COPZ1: variants seen among roughly 807,000 people sequenced by gnomAD.
COPZ1 encodes coat protein complex I subunit zeta 1.
Under a neutral mutation model 31.7 loss-of-function variants are expected in COPZ1, and 4 were observed. That is an observed-to-expected ratio of 0.13 (90% confidence interval 0.06 to 0.29). The LOEUF is 0.29. Among genes scored for constraint, COPZ1 ranks in the 10% least tolerant of loss-of-function variants. COPZ1 has a pLI of 1.00. For synonymous variants in COPZ1, 74 were observed against 79.0 expected, an observed-to-expected ratio of 0.94 and a Z score of 0.33; for missense variants, 156 against 211.5, an observed-to-expected ratio of 0.74 and a Z score of 1.63.
intron 1 of COPZ1, chr12:54,337,305 A>G (rs1244830554): frequency 1.9e-6 from 1 of 534,270 alleles, no homozygotes; most frequent in Non-Finnish European, 3.8e-6. Context: ...TTTGTCTCGA[A>G]AGCTTTCTAG....
chr12:54,341,771 T>G (rs564214355), intron 2 of COPZ1, among the ~76,000 whole-genome samples: 1 of 152,334 alleles, frequency 6.6e-6, no homozygotes, highest in East Asian at 1.9e-4. Context: ...TTTGTAGCCT[T>G]TCCCCATTCC....
At chr12:54,334,807 A>G (rs1164643360) in intron 1 of COPZ1, among the ~76,000 whole-genome samples, 1 of 152,128 alleles carries the variant, frequency 6.6e-6, no homozygotes, top group Non-Finnish European at 1.5e-5. Flanking sequence ...CAGCGAGCCG[A>G]GATCAGACCA....
At chr12:54,327,827 G>A (rs973079368) in intron 1 of COPZ1, among the ~76,000 whole-genome samples, 1 of 152,172 alleles carries the variant, frequency 6.6e-6, no homozygotes, top group African/African-American at 2.4e-5. Flanking sequence ...AGATTCTAGG[G>A]AATTGGTTTT....
chr12:54,351,273 G>C lies in COPZ1; in HGVS notation c.*750G>C, dbSNP rs543789805. On this transcript the variant is annotated 3_prime_UTR_variant, in exon 9 of 9. Transcript: ENST00000262061. ...CTTACTACCTGTGGGATCGTTGCCTGGTTTGTCTTCTCTGTGTCCTGGAGC... is the reference window on the plus strand; with the variant it reads ...CTTACTACCTGTGGGATCGTTGCCTCGTTTGTCTTCTCTGTGTCCTGGAGC... 1 of 152,328 alleles carries C rather than the reference G, an allele frequency of 6.6e-6. No homozygotes were observed. Among genetic ancestry groups the C allele is most frequent in the Non-Finnish European group, 1.5e-5 (1 of 68,070 alleles). The allele number at this position is 152,328 out of a possible 1,614,324, so 9.4% of individuals were successfully genotyped here. A position where few individuals can be genotyped will look rare whatever the true frequency, so the allele number is the denominator to read the frequency against.
Position 54,326,961 on chromosome 12 carries a change from C to CTTTTTTTTTTTTTT in COPZ1, c.18+1804_18+1817dup, listed in dbSNP as rs60827109. Among the ~76,000 whole-genome samples, 30 of 43,566 alleles carry CTTTTTTTTTTTTTT rather than the reference C, an allele frequency of 6.9e-4. 13 individuals carry two copies. The highest frequency in any genetic ancestry group is 9.8e-4 in the Non-Finnish European group (22 of 22,524). The allele number at this position is 43,566 out of a possible 152,430, so 28.6% of individuals were successfully genotyped here. On this transcript the variant is annotated intron_variant, in intron 1 of 8. Coordinates refer to ENST00000262061, the MANE Select transcript of COPZ1 (RefSeq NM_016057.3). ...CTGTACCAAGCAGTTAACAAGTATT[C>CTTTTTTTTTTTTTT]TTTTTTTTTTTTTTTTTTTTTTTTT... is the stretch of plus-strand genomic sequence containing the variant.
chr12:54,345,113 C>G, intron 4 of COPZ1: 2 of 204,598 alleles, frequency 9.8e-6, no homozygotes, highest in South Asian at 1.7e-4. Context: ...TACACTAACT[C>G]TGAAGCCTTC....
At chr12:54,342,180 A>G in intron 2 of COPZ1, 26 bp from the exon 3 acceptor site, 2 of 1,573,084 alleles carry the variant, frequency 1.3e-6, no homozygotes, top group Non-Finnish European at 1.8e-6. Context: ...TAGTGACCCA[A>G]CCCTGTCTTC....
At chr12:54,339,499 C>T (rs948423475) in intron 1 of COPZ1, among the ~76,000 whole-genome samples, 3 of 152,024 alleles carry the variant, frequency 2.0e-5, no homozygotes, top group African/African-American at 7.2e-5. Context: ...AGATGCACGC[C>T]ACCACACCTG....
In COPZ1 at chr12:54,348,057, C is replaced by G; in HGVS notation, c.447+6C>G. 2 of 1,613,714 alleles carry G rather than the reference C, an allele frequency of 1.2e-6. No homozygotes were observed. Among genetic ancestry groups the G allele is most frequent in the Non-Finnish European group, 1.7e-6 (2 of 1,179,672 alleles). ...TACACCGGGTGGCATTAAGGGTAAG[C>G]AAGAATGTGTTTCTTTGCATCCCCG... is the stretch of plus-strand genomic sequence containing the variant. On this transcript the variant is annotated splice_donor_region_variant and intron_variant, in intron 7 of 8. Transcript: ENST00000262061.
chr12:54,349,357 G>A (rs1395320262), intron 7 of COPZ1, among the ~76,000 whole-genome samples: 2 of 152,094 alleles, frequency 1.3e-5, no homozygotes, highest in African/African-American at 2.4e-5. Flanking sequence ...ATAACCTGCT[G>A]GTTACTCTGA....
At chr12:54,339,494 C>G (rs1321378324) in intron 1 of COPZ1, among the ~76,000 whole-genome samples, 5 of 152,040 alleles carry the variant, frequency 3.3e-5, no homozygotes, top group African/African-American at 9.7e-5. Context: ...ACTATAGATG[C>G]ACGCCACCAC....
At chr12:54,325,910 C>T (rs150275283) in intron 1 of COPZ1, among the ~76,000 whole-genome samples, 15 of 151,232 alleles carry the variant, frequency 9.9e-5, no homozygotes, top group African/African-American at 3.4e-4. Flanking sequence ...TCTCCACCTC[C>T]CGGGTTCAAG....
At chr12:54,335,412 G>GT (rs36117905) in intron 1 of COPZ1, among the ~76,000 whole-genome samples, 17,446 of 142,508 alleles carry the variant, frequency 0.12, 1,242 homozygotes, top group East Asian at 0.24. Context: ...CTTAGGGAAT[G>GT]TTTTTTTTTT....
At chr12:54,330,042 C>T (rs762439592) in intron 1 of COPZ1, among the ~76,000 whole-genome samples, 1 of 152,136 alleles carries the variant, frequency 6.6e-6, no homozygotes, top group Non-Finnish European at 1.5e-5. Flanking sequence ...TCCCCTGTGC[C>T]CCTCTCCCAG....
At chr12:54,325,208 G>A (rs1266499033) in intron 1 of COPZ1, 27 bp downstream of exon 1, 1 of 1,554,846 alleles carries the variant, frequency 6.4e-7, no homozygotes, top group Non-Finnish European at 8.7e-7. Context: ...CAGCAGAGAT[G>A]CTGTGGTGTC....
At position 54,350,372 on chromosome 12, in the gene COPZ1, C is replaced by A. The variant is rs190035286; in HGVS notation, c.487-104C>A. 887 of 900,936 alleles carry A rather than the reference C, an allele frequency of 9.8e-4. 8 individuals carry two copies. The African/African-American group carries it at 0.013, about 13-fold the overall frequency. The allele number at this position is 900,936 out of a possible 1,614,324, so 55.8% of individuals were successfully genotyped here. On this transcript the variant is annotated intron_variant, in intron 8 of 8. Transcript: ENST00000262061. The stretch of plus-strand genomic sequence containing the variant: ...CCTTGGGGATTTTCTATTCTCCATT[C>A]TTCTAAGGACAGGGAAGACAAGTGA...
intron 2 of COPZ1, among the ~76,000 whole-genome samples, chr12:54,341,130 C>G (rs1356728757): frequency 3.3e-5 from 5 of 152,176 alleles, no homozygotes; most frequent in Admixed American, 3.3e-4. Flanking sequence ...CAGGGAAAAG[C>G]TTTGAAACTT....
At chr12:54,339,609 G>A (rs564123141) in intron 1 of COPZ1, among the ~76,000 whole-genome samples, 2 of 152,198 alleles carry the variant, frequency 1.3e-5, no homozygotes, top group South Asian at 2.1e-4. Flanking sequence ...AGCCTCCTGC[G>A]ATTTTCCTTC....
At position 54,343,217 on chromosome 12, in the gene COPZ1, C is replaced by T; in HGVS notation, c.170-8C>T. Reference sequence around the variant, plus strand: ...CACCCACTATTTTTACTTTTTTTCCCCCACCAGGTGAAATTGCCCTCTTGG... The same window carrying T: ...CACCCACTATTTTTACTTTTTTTCCTCCACCAGGTGAAATTGCCCTCTTGG... On this transcript the variant is annotated splice_polypyrimidine_tract_variant and splice_region_variant and intron_variant, in intron 3 of 8. Transcript: ENST00000262061. The T allele has an allele frequency of 2.5e-6, 4 of 1,611,248 alleles. No individual in the cohort carries two copies. Among genetic ancestry groups the T allele is most frequent in the Non-Finnish European group, 3.4e-6 (4 of 1,177,678 alleles).
Sources: allele counts gnomAD v4.1 joint callset (sites outside exome capture counted in the v4.1 genomes callset), GRCh38; gene constraint gnomAD v4.1.1; transcripts MANE v1.5; gene names NCBI Gene and HGNC (gene_info 2026-07-23, HGNC 2026-07-21).